Variants in EIF3E observed in about 807,000 individuals in gnomAD.
The protein encoded by EIF3E is eIF-3 p48.
In EIF3E, 25 loss-of-function variants were observed where a neutral mutation model predicts 59.3. That is an observed-to-expected ratio of 0.42 (90% CI 0.31 to 0.59). The LOEUF (loss-of-function observed/expected upper bound fraction) is 0.59, where lower values mean the gene tolerates loss of function less well. Ranked by LOEUF, EIF3E falls within the 20% of genes least tolerant of loss-of-function variation. The pLI is 0.15. For synonymous variants in EIF3E, 176 were observed against 170.2 expected, an observed-to-expected ratio of 1.03 and a Z score of -0.26; for missense variants, 317 against 534.3, an observed-to-expected ratio of 0.59 and a Z score of 4.01.
intron 10 of EIF3E, among the ~76,000 whole-genome samples, chr8:108,209,094 C>T (rs200888185): frequency 9.1e-6 from 1 of 109,874 alleles, no homozygotes; most frequent in Non-Finnish European, 1.9e-5. Flanking sequence ...TTCCAAATTA[C>T]AAATAGAGTT....
intron 10 of EIF3E, among the ~76,000 whole-genome samples, chr8:108,204,778 G>T (rs1382733075): frequency 1.5e-4 from 19 of 123,680 alleles, no homozygotes; most frequent in African/African-American, 4.7e-4. Context: ...GAGAGAGAGA[G>T]AGACAGAGAG....
chr8:108,231,489 G>T (rs991103756), intron 5 of EIF3E, among the ~76,000 whole-genome samples: 1 of 152,036 alleles, frequency 6.6e-6, no homozygotes, highest in African/African-American at 2.4e-5. Context: ...ATTTTTAAAT[G>T]AAGTGGTATA....
At chr8:108,224,900 A>T (rs1344586759) in intron 7 of EIF3E, among the ~76,000 whole-genome samples, 2 of 151,606 alleles carry the variant, frequency 1.3e-5, no homozygotes, top group Non-Finnish European at 2.9e-5. Context: ...TTGCAGTTTT[A>T]AAAAACACAC....
chr8:108,220,519 C>T lies in EIF3E; in HGVS notation c.723-3059G>A, dbSNP rs531721208. 1.2e-3 allele frequency among the ~76,000 whole-genome samples: 189 copies of T among 152,312 alleles called. 1 individual carries two copies. Among genetic ancestry groups the T allele is most frequent in the Non-Finnish European group, 2.3e-3 (156 of 68,018 alleles). On this transcript the variant is annotated intron_variant, in intron 7 of 12. Coordinates refer to ENST00000220849, the MANE Select transcript of EIF3E (RefSeq NM_001568.3). ...AGCTGGCTTTTTATTACTTATGATT[C>T]ATACCATGTTGTCACTGAAATGACT... is the stretch of plus-strand genomic sequence containing the variant.
chr8:108,204,782 CAGAG>C (rs1180539617), intron 10 of EIF3E, among the ~76,000 whole-genome samples: 10 of 113,132 alleles, frequency 8.8e-5, no homozygotes, highest in South Asian at 6.1e-4. Flanking sequence ...GAGAGAGAGA[CAGAG>C]AGAGAGAGAG....
chr8:108,207,831 T>C (rs73304563), intron 10 of EIF3E, among the ~76,000 whole-genome samples: 4,680 of 152,266 alleles, frequency 0.031, 218 homozygotes, highest in African/African-American at 0.099. Flanking sequence ...TCATCCTCAG[T>C]TCAATTTAAT....
At chr8:108,203,246 A>G (rs1330417154) in intron 11 of EIF3E, 129 bp from the exon 12 acceptor site, 8 of 1,327,278 alleles carry the variant, frequency 6.0e-6, no homozygotes, top group Non-Finnish European at 8.3e-6. Flanking sequence ...TTACCAAGGA[A>G]GAAAAAAAAT....
At chr8:108,229,226 T>C in intron 5 of EIF3E, 31 bp from the exon 6 acceptor site, 2 of 1,602,702 alleles carry the variant, frequency 1.2e-6, no homozygotes, top group Non-Finnish European at 1.7e-6. Context: ...AATTATATTG[T>C]GAATACTCTT....
intron 1 of EIF3E, among the ~76,000 whole-genome samples, 176 bp downstream of exon 1, chr8:108,248,437 C>A (rs952775883): frequency 1.3e-5 from 2 of 152,154 alleles, no homozygotes; most frequent in Non-Finnish European, 2.9e-5. Flanking sequence ...CCGAATAGTG[C>A]GGTGCTTCTT....
At chr8:108,247,586 G>A (rs1350846346) in intron 1 of EIF3E, among the ~76,000 whole-genome samples, 1 of 152,140 alleles carries the variant, frequency 6.6e-6, no homozygotes, top group Non-Finnish European at 1.5e-5. Flanking sequence ...CCTGTCTAAC[G>A]AGCCACAACA....
In EIF3E at chr8:108,225,724, A is replaced by G. The variant is rs541791051; in HGVS notation, c.722+2543T>C. On this transcript the variant is annotated intron_variant, in intron 7 of 12. Coordinates refer to ENST00000220849, the MANE Select transcript of EIF3E (RefSeq NM_001568.3). Reference sequence around the variant, plus strand: ...TAATAAAACACACCTTTCTTTTCCAACTACATGTGTGAAGCTAGGTTTTTC... The same window carrying G: ...TAATAAAACACACCTTTCTTTTCCAGCTACATGTGTGAAGCTAGGTTTTTC... Among the ~76,000 whole-genome samples the G allele has an allele frequency of 4.6e-5, 7 of 151,718 alleles. No homozygotes were observed. In the South Asian group the frequency reaches 1.4e-3, roughly 31 times the overall value.
chr8:108,221,214 G>A (rs76685033), intron 7 of EIF3E, among the ~76,000 whole-genome samples: 3,172 of 152,276 alleles, frequency 0.021, 126 homozygotes, highest in African/African-American at 0.072. Context: ...AGGCTGAAGT[G>A]CAGTGAAATG....
chr8:108,241,784 A>C lies in EIF3E; in HGVS notation c.205+15T>G. 6.7e-7 allele frequency: 1 copy of C among 1,482,254 alleles called. No individual in the cohort carries two copies. Among genetic ancestry groups the C allele is most frequent in the Non-Finnish European group, 9.1e-7 (1 of 1,095,620 alleles). 91.8% of individuals were successfully genotyped at this position (1,482,254 alleles called of 1,614,324 possible). On this transcript the variant is annotated intron_variant, in intron 2 of 12. Transcript: ENST00000220849. ...AAGTCACAAGACAAGTTTCAGTTCTAATGACAAAACTTACCATGAGGAATA... is the reference window on the plus strand; with the variant it reads ...AAGTCACAAGACAAGTTTCAGTTCTCATGACAAAACTTACCATGAGGAATA...
chr8:108,219,747 C>G (rs1254330688), intron 7 of EIF3E, among the ~76,000 whole-genome samples: 1 of 151,844 alleles, frequency 6.6e-6, no homozygotes, highest in Non-Finnish European at 1.5e-5. Context: ...GGTGGAGGAT[C>G]ACCTGAGCTT....
intron 10 of EIF3E, among the ~76,000 whole-genome samples, chr8:108,206,606 A>ATG: frequency 6.7e-6 from 1 of 148,794 alleles, no homozygotes; most frequent in Non-Finnish European, 1.5e-5. Flanking sequence ...ACACACACAC[A>ATG]CACACACACA....
intron 10 of EIF3E, among the ~76,000 whole-genome samples, chr8:108,212,632 T>C (rs1291216072): frequency 6.6e-6 from 1 of 152,114 alleles, no homozygotes; most frequent in African/African-American, 2.4e-5. Flanking sequence ...TGAAACCCCA[T>C]CTCTACTAAA....
chr8:108,212,725 G>T (rs1328122604), intron 10 of EIF3E, among the ~76,000 whole-genome samples: 1 of 152,004 alleles, frequency 6.6e-6, no homozygotes, highest in Non-Finnish European at 1.5e-5. Flanking sequence ...TCTCTTGAAC[G>T]CGAGAGGCAG....
At chr8:108,244,308 C>A (rs1035101739) in intron 1 of EIF3E, among the ~76,000 whole-genome samples, 4 of 152,146 alleles carry the variant, frequency 2.6e-5, no homozygotes, top group African/African-American at 9.7e-5. Flanking sequence ...CAAAACCACA[C>A]AAAAACAGGC....
chr8:108,237,295 C>T lies in EIF3E; in HGVS notation c.324-1092G>A, dbSNP rs538717003. Among the ~76,000 whole-genome samples, 6 of 152,152 alleles carry T rather than the reference C, an allele frequency of 3.9e-5. No homozygotes were observed. In the South Asian group the frequency reaches 8.3e-4, roughly 21 times the overall value. On this transcript the variant is annotated intron_variant, in intron 3 of 12. Transcript: ENST00000220849. ...GAGACGGAGTCTCACTCTGTCACTC[C>T]GGATGGAGTTCACTGGTGTAATCTC...
Sources: allele counts gnomAD v4.1 joint callset (sites outside exome capture counted in the v4.1 genomes callset), GRCh38; gene constraint gnomAD v4.1.1; transcripts MANE v1.5; gene names NCBI Gene and HGNC (gene_info 2026-07-23, HGNC 2026-07-21).